MYO3A: variants seen among roughly 807,000 people sequenced by gnomAD.
The protein encoded by MYO3A is myosin-IIIa.
In MYO3A, 180 loss-of-function variants were observed where a neutral mutation model predicts 192.7. The observed-to-expected ratio is 0.93, with a 90% CI of 0.83 to 1.06. The LOEUF is 1.06. MYO3A is among the 50% of genes least tolerant of loss of function. The probability of loss-of-function intolerance (pLI) is 0.00; values close to 1 mark genes in which losing one functional copy is unlikely to be tolerated. For missense variants in MYO3A, 1,896 were observed against 1,905.0 expected, an observed-to-expected ratio of 1.00 and a Z score of 0.09; for synonymous variants, 628 against 645.3, an observed-to-expected ratio of 0.97 and a Z score of 0.41.
At chr10:25,969,554 G>A (rs1838486922) in intron 4 of MYO3A, among the ~76,000 whole-genome samples, 1 of 152,068 alleles carries the variant, frequency 6.6e-6, no homozygotes, top group Non-Finnish European at 1.5e-5. Context: ...AAACCCTAAA[G>A]CAACTGGTAA....
rs771917415 is a variant in MYO3A at position 26,125,432 on chromosome 10, A to G, written c.1938A>G (p.Leu646=). 6.2e-7 allele frequency: 1 copy of G among 1,614,064 alleles called. No individual in the cohort carries two copies. The highest frequency in any genetic ancestry group is 8.5e-7 in the Non-Finnish European group (1 of 1,179,942). The change falls in exon 19 of 35, where the codon CTA becomes CTG. Residue 646 remains leucine (L), a synonymous_variant. Transcript: ENST00000642920. ...ASLLCIRADE[L]QEALTSHCVV... ...TGCTTTGCATTCGGGCAGATGAGCT[A>G]CAAGAAGCTCTCACCTCCCACTGTG...
At chr10:26,127,212 A>G (rs1264665440) in intron 19 of MYO3A, among the ~76,000 whole-genome samples, 2 of 152,192 alleles carry the variant, frequency 1.3e-5, no homozygotes, top group Non-Finnish European at 2.9e-5. Flanking sequence ...TTGCACGCTT[A>G]TGATTCCATT....
rs12785076 is a variant in MYO3A at position 26,008,200 on chromosome 10, A to T, written c.509-8620A>T. Among the ~76,000 whole-genome samples, 20 of 147,908 alleles carry T rather than the reference A, an allele frequency of 1.4e-4. 3 individuals are homozygous for T. Among genetic ancestry groups the T allele is most frequent in the African/African-American group, 5.3e-4 (20 of 38,044 alleles). ...GTCATATGTAGAAAGCTGAAACTGGATCCCTTCCTTACACCTTATACAAAA... is the reference window on the plus strand; with the variant it reads ...GTCATATGTAGAAAGCTGAAACTGGTTCCCTTCCTTACACCTTATACAAAA... On this transcript the variant is annotated intron_variant, in intron 6 of 34. Transcript: ENST00000642920.
intron 10 of MYO3A, 36 bp from the exon 11 acceptor site, chr10:26,066,937 TAA>T: frequency 2.1e-6 from 3 of 1,432,552 alleles, no homozygotes; most frequent in Non-Finnish European, 3.0e-6. Context: ...CTATGAGCAG[TAA>T]TCAATTCTTA....
chr10:26,005,575 A>G (rs1438222932), intron 6 of MYO3A, among the ~76,000 whole-genome samples: 2 of 152,172 alleles, frequency 1.3e-5, no homozygotes, highest in African/African-American at 2.4e-5. Context: ...AAACAAATAT[A>G]TAGGAGTGAA....
Position 26,173,736 on chromosome 10 carries a change from AAAGG to A in MYO3A, c.3476_3479del (p.Gly1159ValfsTer4). ...AAGATTCATTTCAGCTCCAAATAATAAAGGAAGTGTATCTGTAGTGAAGACTTCC... is the reference window on the plus strand; with the variant it reads ...AAGATTCATTTCAGCTCCAAATAATAAAGTGTATCTGTAGTGAAGACTTCC... On this transcript the variant is annotated frameshift_variant, in exon 30 of 35. Coordinates refer to ENST00000642920, the MANE Select transcript of MYO3A (RefSeq NM_017433.5). LOFTEE classifies it high-confidence loss of function. 3.7e-6 allele frequency: 6 copies of A among 1,614,034 alleles called. No individual in the cohort carries two copies. Among genetic ancestry groups the A allele is most frequent in the Non-Finnish European group, 5.1e-6 (6 of 1,179,954 alleles).
At chr10:26,137,783 C>T (rs1471137240) in intron 20 of MYO3A, among the ~76,000 whole-genome samples, 1 of 152,126 alleles carries the variant, frequency 6.6e-6, no homozygotes, top group Non-Finnish European at 1.5e-5. Context: ...AATGTCTGTC[C>T]TATGTGGTTG....
intron 34 of MYO3A, chr10:26,204,384 C>G (rs1222534766): frequency 1.3e-5 from 2 of 152,266 alleles, no homozygotes; most frequent in Non-Finnish European, 2.9e-5. Flanking sequence ...CCCTTCCCCC[C>G]ACTGGCAGAT....
At chr10:26,159,181 G>A (rs1026921445) in intron 26 of MYO3A, among the ~76,000 whole-genome samples, 12 of 150,580 alleles carry the variant, frequency 8.0e-5, no homozygotes, top group Non-Finnish European at 1.5e-4. Flanking sequence ...TAGTAGAGAC[G>A]GGGTTTCACC....
At chr10:26,085,532 C>A (rs989149290) in intron 14 of MYO3A, among the ~76,000 whole-genome samples, 2 of 152,132 alleles carry the variant, frequency 1.3e-5, no homozygotes, top group African/African-American at 4.8e-5. Context: ...TCAGGAGTAC[C>A]TTGTTTAATT....
At chr10:25,963,300 A>G (rs541694474) in intron 4 of MYO3A, among the ~76,000 whole-genome samples, 2 of 152,358 alleles carry the variant, frequency 1.3e-5, no homozygotes, top group East Asian at 3.9e-4. Context: ...TGGTTTTTAT[A>G]GACATAAATA....
intron 25 of MYO3A, among the ~76,000 whole-genome samples, chr10:26,156,016 A>G (rs148487008): frequency 5.6e-4 from 86 of 152,344 alleles, no homozygotes; most frequent in Non-Finnish European, 5.6e-4. Context: ...AAGACTGAAC[A>G]CAGTGTAACA....
At chr10:26,177,639 A>G (rs914872240) in intron 31 of MYO3A, among the ~76,000 whole-genome samples, 1 of 152,104 alleles carries the variant, frequency 6.6e-6, no homozygotes, top group Admixed American at 6.5e-5. Flanking sequence ...GAGTCCCACG[A>G]CTTTGAACCC....
intron 10 of MYO3A, among the ~76,000 whole-genome samples, chr10:26,035,427 G>A (rs1275588799): frequency 6.6e-6 from 1 of 152,168 alleles, no homozygotes; most frequent in African/African-American, 2.4e-5. Flanking sequence ...CTACAAAAAA[G>A]TTGTAAATAA....
At chr10:26,181,755 T>A in intron 31 of MYO3A, among the ~76,000 whole-genome samples, 1 of 149,348 alleles carries the variant, frequency 6.7e-6, no homozygotes. Flanking sequence ...TTTTGAAAAG[T>A]GACTTGGCAA....
intron 33 of MYO3A, 104 bp downstream of exon 33, chr10:26,201,409 G>C (rs1459676147): frequency 1.3e-6 from 1 of 779,418 alleles, no homozygotes; most frequent in Non-Finnish European, 2.0e-6. Context: ...GGCCAGGCGC[G>C]GTGGCTCACG....
At chr10:25,956,571 T>A (rs868634018) in intron 4 of MYO3A, among the ~76,000 whole-genome samples, 31 of 151,156 alleles carry the variant, frequency 2.1e-4, no homozygotes, top group African/African-American at 7.3e-4. Flanking sequence ...CTCAAACTCC[T>A]GATCTCAAGT....
At chr10:26,066,884 C>T in intron 10 of MYO3A, 91 bp from the exon 11 acceptor site, 1 of 804,908 alleles carries the variant, frequency 1.2e-6, no homozygotes, top group Non-Finnish European at 2.2e-6. Context: ...AAACAGATTC[C>T]TAGAGGATTT....
chr10:26,020,021 T>C (rs911817080), intron 7 of MYO3A, among the ~76,000 whole-genome samples: 3 of 132,874 alleles, frequency 2.3e-5, no homozygotes, highest in African/African-American at 7.6e-5. Context: ...AACTAACTCT[T>C]AAGTTGAGAA....
Sources: allele counts gnomAD v4.1 joint callset (sites outside exome capture counted in the v4.1 genomes callset), GRCh38; gene constraint gnomAD v4.1.1; transcripts MANE v1.5; gene names NCBI Gene and HGNC (gene_info 2026-07-23, HGNC 2026-07-21).